The following CHN2 variants were observed in gnomAD, a reference collection of about 807,000 sequenced individuals.
CHN2 encodes beta-chimaerin.
CHN2 carries 35 observed loss-of-function variants against 56.3 expected under a neutral mutation model. The observed-to-expected ratio is 0.62, with a 90% CI of 0.47 to 0.82. The LOEUF (loss-of-function observed/expected upper bound fraction) is 0.82, where lower values mean the gene tolerates loss of function less well. CHN2 is among the 40% of genes least tolerant of loss of function. The pLI, the probability that CHN2 is intolerant of heterozygous loss-of-function variation, is 0.00. For missense variants in CHN2, 491 were observed against 580.5 expected, an observed-to-expected ratio of 0.85 and a Z score of 1.58; for synonymous variants, 210 against 212.8, an observed-to-expected ratio of 0.99 and a Z score of 0.12.
At chr7:29,427,623 G>C (rs578021559) in intron 6 of CHN2, among the ~76,000 whole-genome samples, 1 of 150,530 alleles carries the variant, frequency 6.6e-6, no homozygotes, top group East Asian at 2.0e-4. Flanking sequence ...TGTTGACCAA[G>C]CAAGCTATTA....
chr7:29,371,843 C>T (rs1454966814), intron 3 of CHN2, among the ~76,000 whole-genome samples: 3 of 152,162 alleles, frequency 2.0e-5, no homozygotes, highest in East Asian at 1.9e-4. Flanking sequence ...AAATATATCT[C>T]GCATTGTCCA....
chr7:29,178,786 T>G (rs1797700962), intron 2 of CHN2, among the ~76,000 whole-genome samples: 1 of 152,282 alleles, frequency 6.6e-6, no homozygotes, highest in South Asian at 2.1e-4. Context: ...TCTGCATTCA[T>G]ATGAAAAATG....
At chr7:29,288,285 G>A (rs938022070) in intron 1 of CHN2, among the ~76,000 whole-genome samples, 1 of 152,154 alleles carries the variant, frequency 6.6e-6, no homozygotes, top group Non-Finnish European at 1.5e-5. Context: ...CAGGCAGGAT[G>A]TGATAGCTGA....
At chr7:29,368,608 C>T (rs1242843913) in intron 3 of CHN2, among the ~76,000 whole-genome samples, 1 of 152,060 alleles carries the variant, frequency 6.6e-6, no homozygotes, top group Admixed American at 6.6e-5. Flanking sequence ...CCCATGGGTC[C>T]TTGCTTACTT....
At chr7:29,249,963 C>G (rs766715610) in intron 1 of CHN2, among the ~76,000 whole-genome samples, 4 of 152,214 alleles carry the variant, frequency 2.6e-5, no homozygotes, top group Non-Finnish European at 4.4e-5. Context: ...TTCTTCTACT[C>G]TCTTGCCTGG....
chr7:29,421,407 AC>A (rs1158603266), intron 6 of CHN2, among the ~76,000 whole-genome samples: 2 of 152,304 alleles, frequency 1.3e-5, no homozygotes, highest in African/African-American at 4.8e-5. Context: ...AGGAAGTAAA[AC>A]TGAAGGCAGA....
chr7:29,264,322 G>C (rs1789927995), intron 1 of CHN2, among the ~76,000 whole-genome samples: 1 of 152,246 alleles, frequency 6.6e-6, no homozygotes, highest in African/African-American at 2.4e-5. Context: ...GTACCCAACA[G>C]CTCATTGAGA....
At chr7:29,231,550 G>A (rs1021630089) in intron 1 of CHN2, among the ~76,000 whole-genome samples, 7 of 152,146 alleles carry the variant, frequency 4.6e-5, no homozygotes, top group Non-Finnish European at 1.0e-4. Flanking sequence ...TCTCCTTAAT[G>A]GTAACATATT....
intron 1 of CHN2, among the ~76,000 whole-genome samples, chr7:29,287,102 G>A (rs1584965070): frequency 6.6e-6 from 1 of 151,998 alleles, no homozygotes; most frequent in Non-Finnish European, 1.5e-5. Context: ...TACTTTATAC[G>A]GGTATGCAGC....
intron 1 of CHN2, among the ~76,000 whole-genome samples, chr7:29,240,606 T>A (rs1158541808): frequency 6.6e-6 from 1 of 152,108 alleles, no homozygotes; most frequent in East Asian, 1.9e-4. Context: ...CATCTACTCC[T>A]ATGAGATTCA....
chr7:29,494,845 A>G (rs1359027215), intron 7 of CHN2, among the ~76,000 whole-genome samples: 1 of 151,178 alleles, frequency 6.6e-6, no homozygotes, highest in Non-Finnish European at 1.5e-5. Context: ...TGAATAAAGA[A>G]CTCAAACTGA....
intron 6 of CHN2, among the ~76,000 whole-genome samples, chr7:29,470,736 C>G (rs1241460347): frequency 1.3e-5 from 2 of 152,194 alleles, no homozygotes; most frequent in African/African-American, 4.8e-5. Context: ...TGGCCTTTCG[C>G]AGGGATTTCC....
chr7:29,189,759 T>G (rs1344898372), intron 2 of CHN2, among the ~76,000 whole-genome samples: 1 of 152,062 alleles, frequency 6.6e-6, no homozygotes, highest in East Asian at 1.9e-4. Flanking sequence ...ATGCCTTAAG[T>G]GCCTGCATGT....
chr7:29,261,210 A>T (rs1249051772), intron 1 of CHN2, among the ~76,000 whole-genome samples: 4 of 152,210 alleles, frequency 2.6e-5, no homozygotes, highest in African/African-American at 9.7e-5. Flanking sequence ...GGGGAAGGAC[A>T]TGGAGGCTCA....
At position 29,210,206 on chromosome 7, in the gene CHN2, A is replaced by G. The variant is rs553356690; in HGVS notation, c.49+15216A>G. Reference sequence around the variant, plus strand: ...AAATCAGTTACACTCACATATACACATATTTCAAATAGCAATTACCAGTGG... The same window carrying G: ...AAATCAGTTACACTCACATATACACGTATTTCAAATAGCAATTACCAGTGG... On this transcript the variant is annotated intron_variant, in intron 1 of 12. Transcript: ENST00000222792. Among the ~76,000 whole-genome samples the G allele has an allele frequency of 2.6e-5, 4 of 152,284 alleles. No individual in the cohort carries two copies. The East Asian group carries it at 5.8e-4, about 22-fold the overall frequency.
intron 1 of CHN2, among the ~76,000 whole-genome samples, chr7:29,219,558 C>T (rs1261387741): frequency 6.6e-6 from 1 of 151,866 alleles, no homozygotes; most frequent in Non-Finnish European, 1.5e-5. Context: ...AGACTGGATA[C>T]AGATAACCAA....
At chr7:29,270,825 G>A (rs1790577097) in intron 1 of CHN2, among the ~76,000 whole-genome samples, 1 of 151,258 alleles carries the variant, frequency 6.6e-6, no homozygotes, top group African/African-American at 2.4e-5. Flanking sequence ...AGCAGGGGAA[G>A]GCGGGAGAAA....
At chr7:29,354,744 C>T in intron 2 of CHN2, 81 bp downstream of exon 2, 1 of 1,264,628 alleles carries the variant, frequency 7.9e-7, no homozygotes, top group Non-Finnish European at 1.2e-6. Context: ...CGATGTAGTG[C>T]ACACAAGCGT....
intron 3 of CHN2, among the ~76,000 whole-genome samples, chr7:29,384,092 T>C (rs914296841): frequency 2.0e-5 from 3 of 152,168 alleles, no homozygotes; most frequent in African/African-American, 7.2e-5. Context: ...CGCTGGATGG[T>C]AGCATTCACA....
Sources: gnomAD v4.1 joint callset for allele counts (sites outside exome capture counted in the v4.1 genomes callset) on GRCh38, gnomAD v4.1.1 for gene constraint, MANE v1.5 for transcripts, NCBI Gene and HGNC (gene_info 2026-07-23, HGNC 2026-07-21) for gene names.